Variants in BICD2 observed in about 807,000 individuals in gnomAD.
The protein encoded by BICD2 is BICD cargo adaptor 2.
Under a neutral mutation model 72.9 loss-of-function variants are expected in BICD2, and 25 were observed. The observed-to-expected ratio is 0.34, with a 90% CI of 0.25 to 0.48. The LOEUF (loss-of-function observed/expected upper bound fraction) is 0.48, where lower values mean the gene tolerates loss of function less well. BICD2 is among the 20% of genes least tolerant of loss of function. The pLI, the probability that BICD2 is intolerant of heterozygous loss-of-function variation, is 0.99. For synonymous variants in BICD2, 501 were observed against 516.1 expected, an observed-to-expected ratio of 0.97 and a Z score of 0.40; for missense variants, 894 against 1,175.2, an observed-to-expected ratio of 0.76 and a Z score of 3.50.
intron 1 of BICD2, among the ~76,000 whole-genome samples, chr9:92,756,546 C>T (rs1309686295): frequency 6.8e-6 from 1 of 146,398 alleles, no homozygotes; most frequent in Non-Finnish European, 1.5e-5. Flanking sequence ...CAGGCGTGAG[C>T]CACTGCGCCC....
chr9:92,742,543 C>T (rs1297629487), intron 1 of BICD2, among the ~76,000 whole-genome samples: 1 of 152,100 alleles, frequency 6.6e-6, no homozygotes, highest in East Asian at 1.9e-4. Flanking sequence ...TGCCACCATG[C>T]CTGGCTAATT....
intron 1 of BICD2, among the ~76,000 whole-genome samples, chr9:92,745,479 G>T (rs1290831736): frequency 2.0e-5 from 3 of 151,896 alleles, no homozygotes; most frequent in Non-Finnish European, 4.4e-5. Flanking sequence ...ATCTTCACTG[G>T]GCCTGCTCTG....
rs774130931 is a variant in BICD2 at position 92,719,574 on chromosome 9, C to T, written c.1071G>A (p.Arg357=). The change falls in exon 5 of 7, where the codon CGG becomes CGA. Residue 357 remains arginine (R), a synonymous_variant. Transcript: ENST00000356884. The stretch of plus-strand genomic sequence containing the variant: ...GCGTTGCCAGCAGGCCCGCCTTTTC[C>T]CGCTCCATCTGCAAAGGCACAGGCA... ...KLKQQLMQME[R]EKAGLLATLQ... 6.2e-7 allele frequency: 1 copy of T among 1,602,490 alleles called. No individual in the cohort carries two copies. The highest frequency in any genetic ancestry group is 8.5e-7 in the Non-Finnish European group (1 of 1,175,960).
intron 1 of BICD2, among the ~76,000 whole-genome samples, chr9:92,759,927 G>T (rs1229927664): frequency 6.6e-6 from 1 of 152,226 alleles, no homozygotes; most frequent in Non-Finnish European, 1.5e-5. Flanking sequence ...AAGTGACAGG[G>T]GAGACCTAGC....
chr9:92,727,773 C>T (rs1021620885), intron 2 of BICD2, among the ~76,000 whole-genome samples: 3 of 152,198 alleles, frequency 2.0e-5, no homozygotes, highest in Non-Finnish European at 1.5e-5. Flanking sequence ...GCCACCAAAC[C>T]CAAGCTGGAC....
At chr9:92,725,769 C>T (rs956752515) in intron 2 of BICD2, among the ~76,000 whole-genome samples, 1 of 152,274 alleles carries the variant, frequency 6.6e-6, no homozygotes, top group African/African-American at 2.4e-5. Context: ...GCCCTCTCTC[C>T]TGTCCCCACC....
At chr9:92,717,228 C>A (rs1853334496) in intron 6 of BICD2, among the ~76,000 whole-genome samples, 1 of 152,204 alleles carries the variant, frequency 6.6e-6, no homozygotes, top group Non-Finnish European at 1.5e-5. Flanking sequence ...GGGTGGGAGC[C>A]CAAGCATCCC....
intron 1 of BICD2, among the ~76,000 whole-genome samples, chr9:92,745,537 C>T (rs563200146): frequency 1.4e-4 from 21 of 152,074 alleles, no homozygotes; most frequent in Admixed American, 7.2e-4. Context: ...CTTGGGCTGC[C>T]GTCAGCACCC....
In BICD2 at chr9:92,719,325, A is replaced by G. The variant is rs754437379; in HGVS notation, c.1320T>C (p.His440=). The change falls in exon 5 of 7, where the codon CAT becomes CAC. Residue 440 remains histidine (H), a synonymous_variant. Coordinates refer to ENST00000356884, the MANE Select transcript of BICD2 (RefSeq NM_001003800.2). ...GCTCGCCAGCCTCAGCCACAGCCAC[A>G]TGGTACTTGCAGGCCAAGATCTCAG... The part of the protein sequence containing the change: ...NGPEILACKY[H]VAVAEAGELR... 6.2e-7 allele frequency: 1 copy of G among 1,614,108 alleles called. No homozygotes were observed. The highest frequency in any genetic ancestry group is 1.1e-5 in the South Asian group (1 of 91,080).
At chr9:92,751,734 T>C (rs952009330) in intron 1 of BICD2, among the ~76,000 whole-genome samples, 1 of 152,070 alleles carries the variant, frequency 6.6e-6, no homozygotes, top group African/African-American at 2.4e-5. Context: ...TATGAACTCA[T>C]GGTTAACTAA....
intron 1 of BICD2, among the ~76,000 whole-genome samples, chr9:92,756,645 G>A (rs1411408426): frequency 6.6e-6 from 1 of 151,080 alleles, no homozygotes; most frequent in Non-Finnish European, 1.5e-5. Flanking sequence ...GGCCGAGGCA[G>A]GCAGATCATG....
rs748408912 is a variant in BICD2, at chr9:92,713,437, AG to A, written c.*1716del. On this transcript the variant is annotated 3_prime_UTR_variant, in exon 7 of 7. Coordinates refer to ENST00000356884, the MANE Select transcript of BICD2 (RefSeq NM_001003800.2). ...GCAGTGTGACAGGGCCGGGTGGCCA[AG>A]TCCTCCTGGCAGCTACTCTACAGCT... 2.5e-6 allele frequency: 4 copies of A among 1,588,830 alleles called. No individual in the cohort carries two copies. In the South Asian group the frequency reaches 4.6e-5, roughly 18 times the overall value.
chr9:92,744,712 G>A (rs905970050), intron 1 of BICD2, among the ~76,000 whole-genome samples: 3 of 152,138 alleles, frequency 2.0e-5, no homozygotes, highest in East Asian at 1.9e-4. Flanking sequence ...GTGGTGGCAC[G>A]CGCCTGTAGA....
In BICD2 at chr9:92,715,278, G is replaced by A. The variant is rs762717269; in HGVS notation, c.2444C>T (p.Pro815Leu). Residue 815 changes from proline (P) to leucine (L), a missense_variant, in exon 7 of 7, where the codon CCG (proline) becomes CTG (leucine). Pro to Leu is a moderately conservative substitution (Grantham distance 98). This residue lies in a region of BICD2 where 321 missense variants were observed against 443.9 expected (regional missense o/e 0.72). Transcript: ENST00000356884. ...QTRRGRAKAAPKTKPATPSVS... is the reference protein window; with the variant it reads ...QTRRGRAKAALKTKPATPSVS... ...GCTCGGTGTGGCTGGCTTGGTCTTC[G>A]GGGCGGCTTTGGCACGGCCACGCCG... The A allele has an allele frequency of 5.6e-6, 9 of 1,612,650 alleles. No homozygotes were observed. The highest frequency in any genetic ancestry group is 2.2e-5 in the South Asian group (2 of 91,082).
At chr9:92,723,959 G>A (rs569921964) in intron 2 of BICD2, among the ~76,000 whole-genome samples, 1 of 152,330 alleles carries the variant, frequency 6.6e-6, no homozygotes, top group East Asian at 1.9e-4. Context: ...CTGGCCACCA[G>A]ACACGGCTGC....
At chr9:92,727,349 G>C (rs1178798206) in intron 2 of BICD2, among the ~76,000 whole-genome samples, 3 of 152,202 alleles carry the variant, frequency 2.0e-5, no homozygotes, top group Non-Finnish European at 4.4e-5. Context: ...AGGAACAAGG[G>C]TCCATAAGTG....
At position 92,713,489 on chromosome 9, in the gene BICD2, G is replaced by C. The variant is rs1214164529; in HGVS notation, c.*1665C>G. ...GAAAACGGGAGAAAAGAGAGCGTTA[G>C]AAAGCGGTCATCTGTCGCTTCCTGT... On this transcript the variant is annotated 3_prime_UTR_variant, in exon 7 of 7. Coordinates refer to ENST00000356884, the MANE Select transcript of BICD2 (RefSeq NM_001003800.2). 1 of 1,585,308 alleles carries C rather than the reference G, an allele frequency of 6.3e-7. No homozygotes were observed. Among genetic ancestry groups the C allele is most frequent in the African/African-American group, 1.3e-5 (1 of 74,526 alleles).
intron 1 of BICD2, among the ~76,000 whole-genome samples, chr9:92,741,251 C>G (rs2131521780): frequency 6.6e-6 from 1 of 152,350 alleles, no homozygotes; most frequent in East Asian, 1.9e-4. Flanking sequence ...ACGCCCAACA[C>G]AGATGCAAAA....
Position 92,714,614 on chromosome 9 carries a change from T to C in BICD2, c.*540A>G. ...TTCTGCACTTCTTTCCTGAATATGA[T>C]TTGCAGTCAGATACTGCATAAACTA... On this transcript the variant is annotated 3_prime_UTR_variant, in exon 7 of 7. Coordinates refer to ENST00000356884, the MANE Select transcript of BICD2 (RefSeq NM_001003800.2). 1 of 985,736 alleles carries C rather than the reference T, an allele frequency of 1.0e-6. No homozygotes were observed. Among genetic ancestry groups the C allele is most frequent in the South Asian group, 4.7e-5 (1 of 21,300 alleles). 61.1% of individuals were successfully genotyped at this position (985,736 alleles called of 1,614,324 possible).
Sources: allele counts gnomAD v4.1 joint callset (sites outside exome capture counted in the v4.1 genomes callset), GRCh38; gene constraint gnomAD v4.1.1; regional missense constraint gnomAD v4.1.1; transcripts MANE v1.5; gene names NCBI Gene and HGNC (gene_info 2026-07-23, HGNC 2026-07-21).